The following SLC9B1 variants were observed in gnomAD, a reference collection of about 807,000 sequenced individuals.
The protein encoded by SLC9B1 is sodium/hydrogen exchanger 9B1.
SLC9B1 carries 32 observed loss-of-function variants against 51.7 expected under a neutral mutation model. The ratio of observed to expected loss-of-function variants is 0.62; its 90% CI spans 0.47 to 0.83. The LOEUF (loss-of-function observed/expected upper bound fraction) is 0.83, where lower values mean the gene tolerates loss of function less well. Ranked by LOEUF, SLC9B1 falls within the 40% of genes least tolerant of loss-of-function variation. SLC9B1 has a pLI of 0.00. For synonymous variants in SLC9B1, 145 were observed against 212.7 expected (o/e 0.68, Z 2.77); for missense variants, 406 against 613.2 (o/e 0.66, Z 3.57).
chr4:102,977,297 T>TAAAAAAAAAAAAAAAAAAAAAAAAAAA (rs3974480), intron 3 of SLC9B1, among the ~76,000 whole-genome samples: 1 of 129,324 alleles, frequency 7.7e-6, no homozygotes, highest in Non-Finnish European at 1.7e-5. Context: ...TATTATAACT[T>TAAAAAAAAAAAAAAAAAAAAAAAAAAA]AAAAAAAAAA....
downstream of SLC9B1, chr4:102,898,022 G>A: frequency 2.4e-6 from 1 of 417,914 alleles, no homozygotes; most frequent in Non-Finnish European, 4.7e-6. Flanking sequence ...GCAAACGAGT[G>A]AATGGCTCTT....
chr4:102,960,215 G>A (rs1578382075), intron 3 of SLC9B1, among the ~76,000 whole-genome samples: 1 of 141,562 alleles, frequency 7.1e-6, no homozygotes, highest in Non-Finnish European at 1.5e-5. Context: ...ATATATATAT[G>A]TTTATTTAGA....
intron 6 of SLC9B1, among the ~76,000 whole-genome samples, chr4:102,938,955 A>G (rs1433171201): frequency 6.6e-6 from 1 of 152,132 alleles, no homozygotes; most frequent in Non-Finnish European, 1.5e-5. Context: ...ACCTAATATC[A>G]TACCTAAAGG....
At chr4:103,019,026 A>G (rs1037690798) in intron 1 of SLC9B1, among the ~76,000 whole-genome samples, 2 of 152,084 alleles carry the variant, frequency 1.3e-5, no homozygotes, top group Non-Finnish European at 2.9e-5. Context: ...GTGTCATCCC[A>G]TCTTGCCCCC....
intron 1 of SLC9B1, among the ~76,000 whole-genome samples, chr4:103,015,106 C>T (rs912269553): frequency 1.3e-5 from 2 of 152,092 alleles, no homozygotes. Context: ...CATTCTTCAT[C>T]TTCCCTTTAC....
intron 1 of SLC9B1, among the ~76,000 whole-genome samples, chr4:103,012,803 A>G (rs761330418): frequency 1.3e-5 from 2 of 152,156 alleles, no homozygotes; most frequent in Non-Finnish European, 2.9e-5. Flanking sequence ...TATTCTCTGA[A>G]GGGAATGAAC....
At chr4:102,958,971 C>T (rs1737945649) in intron 3 of SLC9B1, among the ~76,000 whole-genome samples, 1 of 151,262 alleles carries the variant, frequency 6.6e-6, no homozygotes, top group African/African-American at 2.4e-5. Flanking sequence ...ACTAAAAATA[C>T]TTGGTTAACA....
chr4:102,893,281 C>CAAAAAAAAAAAAA (rs58316456), intron 11 of SLC9B1, among the ~76,000 whole-genome samples: 190 of 34,982 alleles, frequency 5.4e-3, no homozygotes, highest in East Asian at 7.6e-3. Flanking sequence ...GACTCCATCT[C>CAAAAAAAAAAAAA]AAAAAAAAAA....
Position 102,917,924 on chromosome 4 carries a change from C to A in SLC9B1, c.830-6387G>T, listed in dbSNP as rs1735664888. The stretch of plus-strand genomic sequence containing the variant: ...TCACTACTAAAAAATACAAAATTAG[C>A]CAGGCATGGTGGTGCATGCCTGTAA... On this transcript the variant is annotated intron_variant, in intron 7 of 11. Coordinates refer to ENST00000296422, the MANE Select transcript of SLC9B1 (RefSeq NM_139173.4). Among the ~76,000 whole-genome samples, 3 of 151,770 alleles carry A rather than the reference C, an allele frequency of 2.0e-5. No homozygotes were observed. In the South Asian group the frequency reaches 6.2e-4, roughly 32 times the overall value.
rs1288624111 is a variant in SLC9B1, at chr4:102,975,583, TA to T, written c.211+14216del. Among the ~76,000 whole-genome samples the T allele has an allele frequency of 1.1e-3, 120 of 106,800 alleles. 1 individual carries two copies. Among genetic ancestry groups the T allele is most frequent in the African/African-American group, 4.4e-3 (108 of 24,458 alleles). 70.1% of individuals were successfully genotyped at this position (106,800 alleles called of 152,430 possible). ...ATATATACATATATATATATATATATATATTTTTTTTTTTTTTTTTTTTTTT... is the reference window on the plus strand; with the variant it reads ...ATATATACATATATATATATATATATTATTTTTTTTTTTTTTTTTTTTTTT... On this transcript the variant is annotated intron_variant, in intron 3 of 11. Transcript: ENST00000296422.
intron 11 of SLC9B1, among the ~76,000 whole-genome samples, chr4:102,895,535 A>C (rs768668122): frequency 6.6e-6 from 1 of 152,210 alleles, no homozygotes; most frequent in Non-Finnish European, 1.5e-5. Context: ...TGAACAAAAA[A>C]AGGAAAGAAA....
At chr4:102,908,228 CAT>C (rs1735150649) in intron 9 of SLC9B1, among the ~76,000 whole-genome samples, 1 of 152,278 alleles carries the variant, frequency 6.6e-6, no homozygotes, top group Non-Finnish European at 1.5e-5. Context: ...GAATTTAGTT[CAT>C]GTTAAAAAAC....
At chr4:103,002,180 G>T (rs570233347) in intron 1 of SLC9B1, among the ~76,000 whole-genome samples, 1 of 152,264 alleles carries the variant, frequency 6.6e-6, no homozygotes, top group South Asian at 2.1e-4. Flanking sequence ...TGAGATTTGG[G>T]TGGGGACACA....
downstream of SLC9B1, among the ~76,000 whole-genome samples, chr4:102,899,570 C>A (rs1308847022): frequency 6.6e-6 from 1 of 151,882 alleles, no homozygotes; most frequent in Non-Finnish European, 1.5e-5. Flanking sequence ...TGCGCCACCA[C>A]ACCTGACAAA....
chr4:102,909,260 T>G (rs532399548), intron 9 of SLC9B1, among the ~76,000 whole-genome samples: 1 of 150,744 alleles, frequency 6.6e-6, no homozygotes, highest in East Asian at 1.9e-4. Context: ...CTCAGGATTT[T>G]AAGACCAGCC....
chr4:102,921,255 T>C (rs1273774865), intron 7 of SLC9B1, among the ~76,000 whole-genome samples: 3 of 152,184 alleles, frequency 2.0e-5, no homozygotes, highest in Non-Finnish European at 4.4e-5. Flanking sequence ...GGGGCCAATA[T>C]TCAACACTCT....
rs1298584007 is a variant in SLC9B1, at chr4:102,985,168, G to A, written c.211+4632C>T. Among the ~76,000 whole-genome samples the A allele has an allele frequency of 2.6e-5, 4 of 152,106 alleles. No homozygotes were observed. The East Asian group carries it at 7.7e-4, about 29-fold the overall frequency. On this transcript the variant is annotated intron_variant, in intron 3 of 11. Coordinates refer to ENST00000296422, the MANE Select transcript of SLC9B1 (RefSeq NM_139173.4). Reference sequence around the variant, plus strand: ...ACTTTCTTTTTATTAGTGTTAGAATGGAATATCATTCTCCATCTCTTTCCT... The same window carrying A: ...ACTTTCTTTTTATTAGTGTTAGAATAGAATATCATTCTCCATCTCTTTCCT...
At chr4:103,007,183 C>A (rs1253239453) in intron 1 of SLC9B1, among the ~76,000 whole-genome samples, 1 of 152,152 alleles carries the variant, frequency 6.6e-6, no homozygotes, top group African/African-American at 2.4e-5. Context: ...GGAAGTCAAA[C>A]AATCTCTGTC....
In SLC9B1 at chr4:102,957,148, C is replaced by G. The variant is rs1028420946; in HGVS notation, c.212-7721G>C. Among the ~76,000 whole-genome samples, 5 of 151,796 alleles carry G rather than the reference C, an allele frequency of 3.3e-5. No individual in the cohort carries two copies. In the South Asian group the frequency reaches 1.0e-3, roughly 32 times the overall value. On this transcript the variant is annotated intron_variant, in intron 3 of 11. Transcript: ENST00000296422. ...TCTGAAGAACAAAAAGAAAAAAGAACGAAGAATAATAAACAGATCCTCAGA... is the reference window on the plus strand; with the variant it reads ...TCTGAAGAACAAAAAGAAAAAAGAAGGAAGAATAATAAACAGATCCTCAGA...
Sources: gnomAD v4.1 joint callset for allele counts (sites outside exome capture counted in the v4.1 genomes callset) on GRCh38, gnomAD v4.1.1 for gene constraint, MANE v1.5 for transcripts, NCBI Gene and HGNC (gene_info 2026-07-23, HGNC 2026-07-21) for gene names.